Variants in MAGI2 observed in about 807,000 individuals in gnomAD.
MAGI2 encodes the protein membrane associated guanylate kinase, WW and PDZ domain containing 2.
A neutral mutation model predicts 133.3 loss-of-function variants in MAGI2; 35 were observed. The observed-to-expected ratio is 0.26, with a 90% CI of 0.20 to 0.35. The LOEUF (loss-of-function observed/expected upper bound fraction) is 0.35. MAGI2 is among the 10% of genes least tolerant of loss of function. MAGI2 has a pLI of 1.00. For missense variants in MAGI2, 1,636 were observed against 1,863.4 expected, an observed-to-expected ratio of 0.88 and a Z score of 2.25; for synonymous variants, 729 against 710.6, an observed-to-expected ratio of 1.03 and a Z score of -0.41.
intron 1 of MAGI2, among the ~76,000 whole-genome samples, chr7:79,214,395 CTCTCTCTCTCTCTA>C (rs1160593719): frequency 2.2e-4 from 20 of 89,060 alleles, no homozygotes; most frequent in African/African-American, 7.3e-4. Context: ...CTCTCTCTCT[CTCTCTCTCTCTCTA>C]TATATATATA....
intron 1 of MAGI2, chr7:79,413,139 C>T: frequency 6.6e-6 from 1 of 152,104 alleles, no homozygotes; most frequent in Non-Finnish European, 1.5e-5. Context: ...CTTTCATGCT[C>T]ATGCAAAGGA....
Position 78,134,924 on chromosome 7 carries a change from C to T in MAGI2, c.3031+97G>A, listed in dbSNP as rs969922447. ...ACTCTGACACCACAGTGACGGCAGG[C>T]AGGTGCACTCCGCGACCCTGGCGGG... On this transcript the variant is annotated intron_variant, in intron 17 of 21. Coordinates refer to ENST00000354212, the MANE Select transcript of MAGI2 (RefSeq NM_012301.4). 64 of 1,019,646 alleles carry T rather than the reference C, an allele frequency of 6.3e-5. No homozygotes were observed. The African/African-American group carries it at 7.5e-4, about 12-fold the overall frequency. 63.2% of individuals were successfully genotyped at this position (1,019,646 alleles called of 1,614,324 possible). A position where few individuals can be genotyped will look rare whatever the true frequency, so the allele number is the denominator to read the frequency against.
At chr7:78,720,746 A>G (rs538735824) in intron 2 of MAGI2, among the ~76,000 whole-genome samples, 1 of 152,182 alleles carries the variant, frequency 6.6e-6, no homozygotes, top group East Asian at 1.9e-4. Flanking sequence ...TTCTCAAAGG[A>G]TAAGTTGAGA....
At chr7:78,289,907 A>AT (rs1796527063) in intron 9 of MAGI2, among the ~76,000 whole-genome samples, 3 of 152,146 alleles carry the variant, frequency 2.0e-5, no homozygotes, top group Non-Finnish European at 4.4e-5. Context: ...ATGCTGAGAG[A>AT]TTTTGTCACC....
At chr7:79,193,349 T>C (rs1461624487) in intron 1 of MAGI2, among the ~76,000 whole-genome samples, 1 of 151,978 alleles carries the variant, frequency 6.6e-6, no homozygotes, top group African/African-American at 2.4e-5. Context: ...TACTCATCAG[T>C]AAGATGAAGC....
At chr7:79,329,769 T>G (rs1208653969) in intron 1 of MAGI2, among the ~76,000 whole-genome samples, 1 of 152,190 alleles carries the variant, frequency 6.6e-6, no homozygotes, top group African/African-American at 2.4e-5. Flanking sequence ...TGGAGATTGG[T>G]AAATGGAGGA....
chr7:78,911,839 CCT>C (rs925861658), intron 2 of MAGI2, among the ~76,000 whole-genome samples: 3 of 151,780 alleles, frequency 2.0e-5, no homozygotes, highest in African/African-American at 7.3e-5. Flanking sequence ...CTTTTCTGTT[CCT>C]CTCTCTCCTC....
chr7:78,289,722 C>T (rs2151035708), intron 9 of MAGI2, among the ~76,000 whole-genome samples: 1 of 152,268 alleles, frequency 6.6e-6, no homozygotes, highest in East Asian at 1.9e-4. Flanking sequence ...TTGGGTTACC[C>T]ACAAAAGGAA....
chr7:79,403,910 A>G (rs960959776), intron 1 of MAGI2, among the ~76,000 whole-genome samples: 2 of 152,224 alleles, frequency 1.3e-5, no homozygotes, highest in African/African-American at 4.8e-5. Context: ...AAACTGCGAT[A>G]TTAAACATGG....
intron 1 of MAGI2, among the ~76,000 whole-genome samples, chr7:79,286,182 T>C (rs1835985196): frequency 6.6e-6 from 1 of 152,018 alleles, no homozygotes; most frequent in Non-Finnish European, 1.5e-5. Context: ...TTTCTTCAGA[T>C]GTGGCTTGTG....
At chr7:78,165,959 C>G (rs1250751574) in intron 15 of MAGI2, among the ~76,000 whole-genome samples, 1 of 152,178 alleles carries the variant, frequency 6.6e-6, no homozygotes, top group Admixed American at 6.5e-5. Flanking sequence ...ATTTTCAATA[C>G]TGATGAAGCT....
chr7:78,824,727 G>A (rs1269291845), intron 2 of MAGI2, among the ~76,000 whole-genome samples: 2 of 152,110 alleles, frequency 1.3e-5, no homozygotes, highest in African/African-American at 4.8e-5. Context: ...TAGGTTGCCT[G>A]TTCACACTGC....
At chr7:79,229,288 A>G (rs568165113) in intron 1 of MAGI2, among the ~76,000 whole-genome samples, 2 of 152,084 alleles carry the variant, frequency 1.3e-5, no homozygotes, top group South Asian at 4.1e-4. Flanking sequence ...GTTTTTTTCT[A>G]CCTCCCCTGG....
intron 2 of MAGI2, among the ~76,000 whole-genome samples, chr7:79,005,017 G>C (rs763184265): frequency 6.6e-6 from 1 of 151,816 alleles, no homozygotes; most frequent in Non-Finnish European, 1.5e-5. Context: ...GGGAGGCAGA[G>C]GTTGCAGTGA....
rs1456288945 is a variant in MAGI2, at chr7:78,019,548, G to A, written c.4135C>T (p.Arg1379Trp). Residue 1379 changes from arginine to tryptophan, a missense_variant, in exon 22 of 22, where the codon CGG (arginine) becomes TGG (tryptophan). By Grantham distance (101) the Arg-to-Trp change is moderately radical (BLOSUM62 -3). Transcript: ENST00000354212. ...GGCGCAGCCCCCGGGCCTTCGCGCC[G>A]GCAGAGCTCGGAGCCCGCCGCCGCA... ...PRAAAGSELC[R>W]REGPGAAPAF... is the part of the protein sequence containing the mutation. 1 of 980,044 alleles carries A rather than the reference G, an allele frequency of 1.0e-6. No homozygotes were observed. The highest frequency in any genetic ancestry group is 1.2e-6 in the Non-Finnish European group (1 of 827,924). The allele number at this position is 980,044 out of a possible 1,614,324, so 60.7% of individuals were successfully genotyped here. A position where few individuals can be genotyped will look rare whatever the true frequency, so the allele number is the denominator to read the frequency against.
At chr7:79,199,467 A>G (rs1189142090) in intron 1 of MAGI2, among the ~76,000 whole-genome samples, 2 of 152,048 alleles carry the variant, frequency 1.3e-5, no homozygotes, top group Non-Finnish European at 2.9e-5. Context: ...CAGCGGAGGC[A>G]TATGAGGCAC....
chr7:78,877,480 A>T (rs979902508), intron 2 of MAGI2, among the ~76,000 whole-genome samples: 1 of 152,180 alleles, frequency 6.6e-6, no homozygotes, highest in Non-Finnish European at 1.5e-5. Context: ...TAAAAATGTT[A>T]CTTGTTTTTC....
At chr7:78,225,566 T>G (rs1193913925) in intron 10 of MAGI2, among the ~76,000 whole-genome samples, 1 of 152,212 alleles carries the variant, frequency 6.6e-6, no homozygotes, top group Non-Finnish European at 1.5e-5. Context: ...TTTTGAGCAC[T>G]TACTATGTAT....
chr7:78,407,435 C>A (rs578089236), intron 6 of MAGI2, among the ~76,000 whole-genome samples: 3 of 152,012 alleles, frequency 2.0e-5, no homozygotes, highest in East Asian at 3.9e-4. Context: ...CTTCCCAAAT[C>A]CAAGTTATGA....
Sources: allele counts gnomAD v4.1 joint callset (sites outside exome capture counted in the v4.1 genomes callset), GRCh38; gene constraint gnomAD v4.1.1; transcripts MANE v1.5; gene names NCBI Gene and HGNC (gene_info 2026-07-23, HGNC 2026-07-21).